CD300E: variants seen among roughly 807,000 people sequenced by gnomAD.
CD300E encodes the protein CD300e molecule.
Under a neutral mutation model 20.9 loss-of-function variants are expected in CD300E, and 14 were observed. That is an observed-to-expected ratio of 0.67 (90% CI 0.44 to 1.05). The LOEUF is 1.05. Ranked by LOEUF, CD300E falls within the 50% of genes least tolerant of loss-of-function variation. The probability of loss-of-function intolerance (pLI) is 0.00; values close to 1 mark genes in which losing one functional copy is unlikely to be tolerated. For synonymous variants in CD300E, 102 were observed against 103.7 expected, an observed-to-expected ratio of 0.98 and a Z score of 0.10; for missense variants, 237 against 253.9, an observed-to-expected ratio of 0.93 and a Z score of 0.45.
chr17:74,619,438 T>C (rs1192201686), intron 1 of CD300E: 2 of 196,672 alleles, frequency 1.0e-5, no homozygotes, highest in African/African-American at 4.7e-5. Context: ...CCAGGCTCCT[T>C]CCAGCCCAAA....
intron 1 of CD300E, among the ~76,000 whole-genome samples, chr17:74,618,930 C>T (rs1297226843): frequency 1.3e-5 from 2 of 152,138 alleles, no homozygotes; most frequent in Non-Finnish European, 2.9e-5. Context: ...TGAGCACTCC[C>T]CATTTCTCTG....
At chr17:74,622,751 T>TTC (rs1568036689) in intron 1 of CD300E, among the ~76,000 whole-genome samples, 3 of 151,534 alleles carry the variant, frequency 2.0e-5, no homozygotes, top group Non-Finnish European at 4.4e-5. Context: ...TTTTTTTTTT[T>TTC]CAGACAGGAT....
intron 2 of CD300E, 139 bp downstream of exon 2, chr17:74,616,979 C>T (rs2030914390): frequency 4.0e-6 from 3 of 747,928 alleles, no homozygotes; most frequent in East Asian, 2.7e-5. Flanking sequence ...TCTCCATGCC[C>T]ATGCCATAGG....
intron 2 of CD300E, among the ~76,000 whole-genome samples, chr17:74,614,927 G>A (rs1453685484): frequency 6.6e-6 from 1 of 152,212 alleles, no homozygotes; most frequent in Non-Finnish European, 1.5e-5. Context: ...TCTCCCTAAA[G>A]CAGTTGTCCT....
chr17:74,616,010 G>T (rs745706016), intron 2 of CD300E, among the ~76,000 whole-genome samples: 35 of 152,204 alleles, frequency 2.3e-4, no homozygotes, highest in Non-Finnish European at 4.3e-4. Flanking sequence ...CACGAGCCCA[G>T]GAGGCGGAGG....
chr17:74,615,409 G>A (rs773339370), intron 2 of CD300E, among the ~76,000 whole-genome samples: 17 of 152,184 alleles, frequency 1.1e-4, no homozygotes, highest in African/African-American at 2.7e-4. Flanking sequence ...TCCTCAACCC[G>A]AAAGGGAAAG....
chr17:74,617,157 G>A lies in CD300E; in HGVS notation c.349C>T (p.Arg117Cys), dbSNP rs772510010. The A allele has an allele frequency of 8.1e-6, 13 of 1,614,150 alleles. No homozygotes were observed. Among genetic ancestry groups the A allele is most frequent in the South Asian group, 1.1e-5 (1 of 91,080 alleles). ...QTVWVLDSWS[R>C]DPSDLVRVYV... ...ACCCTAACCAGGTCCGAGGGATCGC[G>A]TGACCATGAATCCAGGACCCACACT... The change falls in exon 2 of 4, where the codon CGC becomes TGC. Residue 117 changes from arginine (R) to cysteine (C), a missense_variant. Transcript: ENST00000392619.
At chr17:74,614,259 A>G (rs994293818) in intron 2 of CD300E, among the ~76,000 whole-genome samples, 3 of 152,060 alleles carry the variant, frequency 2.0e-5, no homozygotes, top group African/African-American at 4.8e-5. Context: ...CTTTCTCTGC[A>G]TCTCAGAGAA....
chr17:74,623,172 A>G (rs1437509189), intron 1 of CD300E, among the ~76,000 whole-genome samples: 1 of 152,200 alleles, frequency 6.6e-6, no homozygotes, highest in Non-Finnish European at 1.5e-5. Context: ...TTTCCCACTC[A>G]GCCAACTCAT....
At position 74,612,769 on chromosome 17, in the gene CD300E, G is replaced by A. The variant is rs1376562485; in HGVS notation, c.502C>T (p.Arg168Trp). ...GEVLTQNSGF[R>W]LSSPHFLLVV... ...AGCAGGAAGTGAGGGCTGCTGAGCCGGAACCTGTGGTGGACACGGTGAAAA... is the reference window on the plus strand; with the variant it reads ...AGCAGGAAGTGAGGGCTGCTGAGCCAGAACCTGTGGTGGACACGGTGAAAA... Residue 168 changes from arginine (R) to tryptophan (W), a missense_variant, in exon 4 of 4, where the codon CGG becomes TGG. Coordinates refer to ENST00000392619, the MANE Select transcript of CD300E (RefSeq NM_181449.3). 16 of 1,613,708 alleles carry A rather than the reference G, an allele frequency of 9.9e-6. No individual in the cohort carries two copies. Among genetic ancestry groups the A allele is most frequent in the South Asian group, 7.7e-5 (7 of 91,080 alleles).
intron 2 of CD300E, among the ~76,000 whole-genome samples, chr17:74,616,396 G>T (rs1568034462): frequency 6.6e-6 from 1 of 152,184 alleles, no homozygotes; most frequent in Non-Finnish European, 1.5e-5. Context: ...GGACACCAAG[G>T]TTGAGAATGT....
rs575706826 is a variant in CD300E at position 74,618,159 on chromosome 17, A to G, written c.41-694T>C. The stretch of plus-strand genomic sequence containing the variant: ...TCCTGGGAGGAAAGTGGGGTTTAGA[A>G]TCTGGGAGGCAAAGTGTGAGAAGTT... On this transcript the variant is annotated intron_variant, in intron 1 of 3. Coordinates refer to ENST00000392619, the MANE Select transcript of CD300E (RefSeq NM_181449.3). 2.6e-5 allele frequency among the ~76,000 whole-genome samples: 4 copies of G among 152,330 alleles called. No individual in the cohort carries two copies. In the East Asian group the frequency reaches 5.8e-4, roughly 22 times the overall value.
chr17:74,613,659 G>A (rs2030832773), intron 3 of CD300E, among the ~76,000 whole-genome samples: 1 of 152,208 alleles, frequency 6.6e-6, no homozygotes, highest in South Asian at 2.1e-4. Flanking sequence ...AGGAAGGAGT[G>A]GGGAAGGGAG....
In CD300E at chr17:74,612,610, C is replaced by T; in HGVS notation, c.*43G>A. ...AAAGGTTGACTCCCTGCACGGGGCA[C>T]TCCTGGGGATGGGGCTCTGCAGGGC... On this transcript the variant is annotated 3_prime_UTR_variant, in exon 4 of 4. Coordinates refer to ENST00000392619, the MANE Select transcript of CD300E (RefSeq NM_181449.3). The T allele has an allele frequency of 2.5e-6, 4 of 1,607,810 alleles. No individual in the cohort carries two copies. The highest frequency in any genetic ancestry group is 1.7e-6 in the Non-Finnish European group (2 of 1,178,286).
chr17:74,616,243 G>A (rs976090416), intron 2 of CD300E, among the ~76,000 whole-genome samples: 1 of 152,142 alleles, frequency 6.6e-6, no homozygotes, highest in African/African-American at 2.4e-5. Context: ...ACAATGGCAT[G>A]AGGATGGGGG....
rs1305290492 is a variant in CD300E at position 74,614,014 on chromosome 17, C to T, written c.408G>A (p.Arg136=). 2 of 1,613,776 alleles carry T rather than the reference C, an allele frequency of 1.2e-6. No individual in the cohort carries two copies. Among genetic ancestry groups the T allele is most frequent in the Non-Finnish European group, 8.5e-7 (1 of 1,179,880 alleles). Residue 136 remains arginine, a synonymous_variant, in exon 3 of 4, where the codon AGG becomes AGA. Transcript: ENST00000392619. ...YVSPAITTPR[R]TTHPATPPIF... ...TGGGAGGTGTGGCTGGATGTGTGGT[C>T]CTCCTTGGGGTTGTAATTGCTGTTG...
chr17:74,612,715 G>C lies in CD300E; in HGVS notation c.556C>G (p.Leu186Val). The change falls in exon 4 of 4, where the codon CTG becomes GTG. Residue 186 changes from leucine (L) to valine (V), a missense_variant. Coordinates refer to ENST00000392619, the MANE Select transcript of CD300E (RefSeq NM_181449.3). ...CAGAAGACAGCACCCAGCATGCTCA[G>C]GAGCAGGGGCAGCTTCAGAAGGACC... ...LVVLLKLPLLLSMLGAVFWVN... is the reference protein window; with the variant it reads ...LVVLLKLPLLVSMLGAVFWVN... 6.2e-7 allele frequency: 1 copy of C among 1,614,026 alleles called. No homozygotes were observed. Among genetic ancestry groups the C allele is most frequent in the Non-Finnish European group, 8.5e-7 (1 of 1,179,998 alleles).
intron 1 of CD300E, among the ~76,000 whole-genome samples, chr17:74,621,629 A>C (rs1435950949): frequency 6.6e-6 from 1 of 152,202 alleles, no homozygotes; most frequent in Non-Finnish European, 1.5e-5. Flanking sequence ...TAAATATTGG[A>C]CAGCAATCAG....
intron 2 of CD300E, 86 bp from the exon 3 acceptor site, chr17:74,614,119 C>A: frequency 9.5e-7 from 1 of 1,049,820 alleles, no homozygotes; most frequent in South Asian, 1.4e-5. Flanking sequence ...ACAGAATCAC[C>A]CACTCACAGA....
Sources: gnomAD v4.1 joint callset for allele counts (sites outside exome capture counted in the v4.1 genomes callset) on GRCh38, gnomAD v4.1.1 for gene constraint, MANE v1.5 for transcripts, NCBI Gene and HGNC (gene_info 2026-07-23, HGNC 2026-07-21) for gene names.